Variants in ITGA8 observed in about 807,000 individuals in gnomAD.
ITGA8 encodes integrin subunit alpha 8, also known as integrin alpha-8.
ITGA8 carries 91 observed loss-of-function variants against 142.3 expected under a neutral mutation model. The observed-to-expected ratio is 0.64, with a 90% CI of 0.54 to 0.76. The LOEUF is 0.76. Among genes scored for constraint, ITGA8 ranks in the 30% least tolerant of loss-of-function variants. The pLI is 0.00. For missense variants in ITGA8, 1,406 were observed against 1,327.7 expected (o/e 1.06, Z -0.92); for synonymous variants, 505 against 485.2 (o/e 1.04, Z -0.54).
chr10:15,612,747 G>T (rs1178468457), intron 15 of ITGA8, among the ~76,000 whole-genome samples: 1 of 152,200 alleles, frequency 6.6e-6, no homozygotes, highest in East Asian at 1.9e-4. Context: ...TACAGCTTAT[G>T]GCACAAAAAT....
At chr10:15,665,736 GC>G (rs1261910289) in intron 8 of ITGA8, among the ~76,000 whole-genome samples, 2 of 152,118 alleles carry the variant, frequency 1.3e-5, no homozygotes, top group African/African-American at 4.8e-5. Flanking sequence ...TCTACATATG[GC>G]TAGCCAGTTT....
At chr10:15,569,326 T>C (rs1323795566) in intron 25 of ITGA8, among the ~76,000 whole-genome samples, 1 of 152,124 alleles carries the variant, frequency 6.6e-6, no homozygotes, top group African/African-American at 2.4e-5. Context: ...TGGAGCATCC[T>C]CAGAAAGGGT....
intron 11 of ITGA8, among the ~76,000 whole-genome samples, chr10:15,654,353 C>G (rs886092751): frequency 1.3e-5 from 2 of 152,180 alleles, no homozygotes; most frequent in African/African-American, 4.8e-5. Context: ...CTAGTATAAT[C>G]TTCATGAAGT....
At position 15,613,170 on chromosome 10, in the gene ITGA8, A is replaced by T. The variant is rs894882905; in HGVS notation, c.1553+490T>A. On this transcript the variant is annotated intron_variant, in intron 15 of 29. Coordinates refer to ENST00000378076, the MANE Select transcript of ITGA8 (RefSeq NM_003638.3). ...AGCAAGACTCCATCTCAATAAATAAAAAATAAATAAATAAATAAATAAATA... is the reference window on the plus strand; with the variant it reads ...AGCAAGACTCCATCTCAATAAATAATAAATAAATAAATAAATAAATAAATA... Among the ~76,000 whole-genome samples the T allele has an allele frequency of 7.7e-3, 277 of 36,196 alleles. 1 individual carries two copies. The highest frequency in any genetic ancestry group is 0.013 in the African/African-American group (256 of 19,404). 23.7% of individuals were successfully genotyped at this position (36,196 alleles called of 152,430 possible).
chr10:15,597,388 G>T, intron 20 of ITGA8, 89 bp from the exon 21 acceptor site: 2 of 974,690 alleles, frequency 2.1e-6, no homozygotes, highest in South Asian at 1.3e-5. Context: ...AGCTCCCCTG[G>T]ATCTCAAACA....
At chr10:15,701,925 A>G (rs1439866446) in intron 2 of ITGA8, among the ~76,000 whole-genome samples, 1 of 152,210 alleles carries the variant, frequency 6.6e-6, no homozygotes, top group Admixed American at 6.5e-5. Context: ...AATTGGAATG[A>G]TGCATCTGAG....
intron 2 of ITGA8, among the ~76,000 whole-genome samples, chr10:15,713,873 CTTTTAT>C (rs373843145): frequency 2.0e-4 from 31 of 151,776 alleles, no homozygotes; most frequent in African/African-American, 5.3e-4. Context: ...TTTCTTTTTC[CTTTTAT>C]TTTTATTTTT....
intron 11 of ITGA8, among the ~76,000 whole-genome samples, chr10:15,647,440 AATT>A (rs1212173483): frequency 6.7e-6 from 1 of 150,198 alleles, no homozygotes; most frequent in Non-Finnish European, 1.5e-5. Flanking sequence ...TATACATTTA[AATT>A]ATTCAGTTTT....
intron 26 of ITGA8, among the ~76,000 whole-genome samples, chr10:15,557,716 G>C (rs569761164): frequency 2.0e-5 from 3 of 152,272 alleles, no homozygotes; most frequent in African/African-American, 7.2e-5. Context: ...GACAGGTGCA[G>C]AACTCCAAGG....
chr10:15,520,983 A>G (rs946268669), intron 28 of ITGA8, among the ~76,000 whole-genome samples: 3 of 152,156 alleles, frequency 2.0e-5, no homozygotes, highest in African/African-American at 4.8e-5. Context: ...AGCCCTAACC[A>G]TGCTCACTTT....
rs754132398 is a variant in ITGA8 at position 15,606,297 on chromosome 10, A to G, written c.1890T>C (p.Ile630=). The G allele has an allele frequency of 6.2e-7, 1 of 1,607,450 alleles. No individual in the cohort carries two copies. The highest frequency in any genetic ancestry group is 1.1e-5 in the South Asian group (1 of 90,578). The change falls in exon 18 of 30, where the codon ATT becomes ATC. Residue 630 remains isoleucine, a synonymous_variant. Transcript: ENST00000378076. ...KPILNYYREN[I]VSEQAHILVD... The stretch of plus-strand genomic sequence containing the variant: ...GTGAAGGACTTACCTGTTCACTAAC[A>G]ATGTTTTCTCTGTAGTAGTTCAATA...
chr10:15,542,493 A>G (rs1833589883), intron 27 of ITGA8, among the ~76,000 whole-genome samples: 3 of 151,982 alleles, frequency 2.0e-5, no homozygotes, highest in Admixed American at 2.0e-4. Context: ...CTGAAATAGC[A>G]TGCTATACAA....
chr10:15,593,624 C>A (rs1001172985), intron 21 of ITGA8, among the ~76,000 whole-genome samples: 2 of 152,150 alleles, frequency 1.3e-5, no homozygotes, highest in South Asian at 2.1e-4. Context: ...AATAATAAAT[C>A]ATCTCTTTTG....
intron 28 of ITGA8, among the ~76,000 whole-genome samples, chr10:15,521,238 G>A (rs1021386032): frequency 1.3e-5 from 2 of 151,916 alleles, no homozygotes; most frequent in Non-Finnish European, 2.9e-5. Flanking sequence ...TGGCCAGGCT[G>A]GTCTAGAACT....
intron 9 of ITGA8, among the ~76,000 whole-genome samples, chr10:15,660,503 G>A (rs113343907): frequency 4.6e-5 from 7 of 152,182 alleles, no homozygotes; most frequent in South Asian, 4.1e-4. Flanking sequence ...ATTTCTTTGC[G>A]TATACAGATG....
chr10:15,568,189 G>T (rs2061265013), intron 25 of ITGA8, among the ~76,000 whole-genome samples: 1 of 152,134 alleles, frequency 6.6e-6, no homozygotes, highest in African/African-American at 2.4e-5. Context: ...TTCCCAAAGA[G>T]TTGGGATCAT....
chr10:15,555,820 C>G (rs1258042626), intron 26 of ITGA8, among the ~76,000 whole-genome samples: 1 of 150,582 alleles, frequency 6.6e-6, no homozygotes, highest in Non-Finnish European at 1.5e-5. Flanking sequence ...CTCAGCCTCC[C>G]GAGGAGCTGG....
At chr10:15,547,825 G>T (rs898844937) in intron 27 of ITGA8, among the ~76,000 whole-genome samples, 10 of 152,018 alleles carry the variant, frequency 6.6e-5, no homozygotes, top group Admixed American at 6.6e-4. Context: ...ATATATCTTG[G>T]ATTATGTTCT....
chr10:15,640,929 C>T (rs967538836), intron 13 of ITGA8, among the ~76,000 whole-genome samples: 1 of 152,200 alleles, frequency 6.6e-6, no homozygotes, highest in Non-Finnish European at 1.5e-5. Flanking sequence ...GACTGAGCTA[C>T]CCTTTAGTCT....
Sources: allele counts gnomAD v4.1 joint callset (sites outside exome capture counted in the v4.1 genomes callset), GRCh38; gene constraint gnomAD v4.1.1; transcripts MANE v1.5; gene names NCBI Gene and HGNC (gene_info 2026-07-23, HGNC 2026-07-21).